PLXNA4: variants seen among roughly 807,000 people sequenced by gnomAD.
PLXNA4 encodes the protein plexin A4.
In PLXNA4, 44 loss-of-function variants were observed where a neutral mutation model predicts 191.8. That is an observed-to-expected ratio of 0.23 (90% confidence interval 0.18 to 0.29). The LOEUF (loss-of-function observed/expected upper bound fraction) is 0.29. Among genes scored for constraint, PLXNA4 ranks in the 10% least tolerant of loss-of-function variants. PLXNA4 has a pLI of 1.00. For synonymous variants in PLXNA4, 1,082 were observed against 1,009.5 expected (o/e 1.07, Z -1.36); for missense variants, 1,800 against 2,488.8 (o/e 0.72, Z 5.89).
intron 20 of PLXNA4, among the ~76,000 whole-genome samples, chr7:132,175,318 G>T (rs1230396307): frequency 6.6e-6 from 1 of 152,058 alleles, no homozygotes; most frequent in Non-Finnish European, 1.5e-5. Context: ...GGTGCCATGA[G>T]GAAGAGTCCA....
chr7:132,385,825 A>C (rs1805111796), intron 3 of PLXNA4, among the ~76,000 whole-genome samples: 2 of 152,236 alleles, frequency 1.3e-5, no homozygotes, highest in Non-Finnish European at 2.9e-5. Context: ...TGCACAAATT[A>C]AAAGATAAAG....
chr7:132,305,966 G>T (rs1259588273), intron 3 of PLXNA4, among the ~76,000 whole-genome samples: 2 of 152,152 alleles, frequency 1.3e-5, no homozygotes, highest in Non-Finnish European at 2.9e-5. Flanking sequence ...AACAGGCAGG[G>T]AAATAGAGCT....
At chr7:132,597,825 A>C (rs898795825) in intron 2 of PLXNA4, among the ~76,000 whole-genome samples, 2 of 148,706 alleles carry the variant, frequency 1.3e-5, no homozygotes, top group Non-Finnish European at 3.0e-5. Flanking sequence ...AGTTCTAAGA[A>C]TCCATCCATG....
intron 2 of PLXNA4, among the ~76,000 whole-genome samples, chr7:132,597,667 T>G (rs752680786): frequency 1.3e-5 from 2 of 152,196 alleles, no homozygotes; most frequent in Non-Finnish European, 2.9e-5. Context: ...GACCACTGAC[T>G]ACAAATCTGT....
intron 3 of PLXNA4, among the ~76,000 whole-genome samples, chr7:132,342,459 G>T (rs1035701266): frequency 6.6e-6 from 1 of 151,862 alleles, no homozygotes; most frequent in South Asian, 2.1e-4. Flanking sequence ...AAAATATCAC[G>T]CTGTAGACAA....
rs1563048301 is a variant in PLXNA4 at position 132,132,463 on chromosome 7, T to TTCTGTTCTGCTCTGCTCTGC, written c.5589+585_5589+586insGCAGAGCAGAGCAGAACAGA. Among the ~76,000 whole-genome samples the TTCTGTTCTGCTCTGCTCTGC allele has an allele frequency of 2.0e-4, 13 of 65,590 alleles. 1 individual carries two copies. The highest frequency in any genetic ancestry group is 1.6e-3 in the Admixed American group (9 of 5,664). 43.0% of individuals were successfully genotyped at this position (65,590 alleles called of 152,430 possible). On this transcript the variant is annotated intron_variant, in intron 31 of 31. Coordinates refer to ENST00000321063, the MANE Select transcript of PLXNA4 (RefSeq NM_020911.2). Reference sequence around the variant, plus strand: ...TTCTGTTCTGTTCTGTTCTGTTCTGTTCTGCTCTGCTCTGCTCTGCTCTGC... The same window carrying TTCTGTTCTGCTCTGCTCTGC: ...TTCTGTTCTGTTCTGTTCTGTTCTGTTCTGTTCTGCTCTGCTCTGCTCTGCTCTGCTCTGCTCTGCTCTGC...
At chr7:132,395,583 G>A (rs1404401540) in intron 3 of PLXNA4, among the ~76,000 whole-genome samples, 4 of 152,266 alleles carry the variant, frequency 2.6e-5, no homozygotes, top group African/African-American at 9.6e-5. Context: ...CTGACATGCT[G>A]CTGGGCAGAA....
At chr7:132,228,273 C>A (rs2116981222) in intron 6 of PLXNA4, 73 bp downstream of exon 6, 10 of 1,597,008 alleles carry the variant, frequency 6.3e-6, no homozygotes, top group East Asian at 4.5e-5. Flanking sequence ...GGGCCTTGGG[C>A]TAAGGCACTT....
At chr7:132,143,694 G>T (rs377485064) in intron 29 of PLXNA4, among the ~76,000 whole-genome samples, 1 of 152,180 alleles carries the variant, frequency 6.6e-6, no homozygotes, top group South Asian at 2.1e-4. Context: ...AGAGTTAAAC[G>T]CATCTTACCT....
rs192313903 is a variant in PLXNA4 at position 132,642,186 on chromosome 7, C to T, written c.-87+3742G>A. On this transcript the variant is annotated intron_variant, in intron 2 of 4. Coordinates refer to the PLXNA4 transcript ENST00000378539. ...TTTCTTTAATTTTCTAGGTAATAAA[C>T]CCTTCTGTATACAGAATGGTTCTAT... Among the ~76,000 whole-genome samples, 478 of 152,064 alleles carry T rather than the reference C, an allele frequency of 3.1e-3. 2 individuals carry two copies. Among genetic ancestry groups the T allele is most frequent in the Non-Finnish European group, 4.0e-3 (274 of 67,992 alleles).
In PLXNA4 at chr7:132,210,299, T is replaced by C. The variant is rs190949388; in HGVS notation, c.2298+644A>G. Among the ~76,000 whole-genome samples the C allele has an allele frequency of 4.3e-3, 661 of 152,274 alleles. 5 individuals carry two copies. The highest frequency in any genetic ancestry group is 0.012 in the African/African-American group (500 of 41,550). ...AAGGTGATACACAGGTGGGGTTCAC[T>C]GTGGGGTACCTAGGAATTAGGTAGA... is the stretch of plus-strand genomic sequence containing the variant. On this transcript the variant is annotated intron_variant, in intron 10 of 31. Transcript: ENST00000321063.
At chr7:132,395,009 G>T (rs981609854) in intron 3 of PLXNA4, among the ~76,000 whole-genome samples, 7 of 152,264 alleles carry the variant, frequency 4.6e-5, no homozygotes, top group Non-Finnish European at 8.8e-5. Context: ...TCCGGGGCAG[G>T]TGTGGCTGCA....
At chr7:132,191,815 A>T (rs1166343688) in intron 14 of PLXNA4, among the ~76,000 whole-genome samples, 3 of 100,256 alleles carry the variant, frequency 3.0e-5, no homozygotes, top group African/African-American at 5.2e-5. Context: ...TCTATATCAT[A>T]TACTATATAT....
At chr7:132,222,941 G>A (rs2116954228) in intron 9 of PLXNA4, among the ~76,000 whole-genome samples, 1 of 152,298 alleles carries the variant, frequency 6.6e-6, no homozygotes, top group African/African-American at 2.4e-5. Flanking sequence ...GCTGCACCCT[G>A]CCCCCGGAGC....
chr7:132,453,962 T>C (rs964957972), intron 3 of PLXNA4, among the ~76,000 whole-genome samples: 1 of 152,086 alleles, frequency 6.6e-6, no homozygotes, highest in Non-Finnish European at 1.5e-5. Context: ...GACATCAGAG[T>C]GTGGTCTATT....
intron 28 of PLXNA4, among the ~76,000 whole-genome samples, chr7:132,145,917 A>AG (rs1795414837): frequency 1.4e-5 from 2 of 142,724 alleles, no homozygotes; most frequent in Admixed American, 7.0e-5. Context: ...TAAAAATACA[A>AG]AAAAAAAAAA....
chr7:132,260,244 A>G (rs1799590024), intron 4 of PLXNA4, among the ~76,000 whole-genome samples: 2 of 152,218 alleles, frequency 1.3e-5, no homozygotes, highest in Admixed American at 1.3e-4. Flanking sequence ...TAGCAAAGAC[A>G]TGGAGTCAAC....
intron 1 of PLXNA4, among the ~76,000 whole-genome samples, chr7:132,560,567 A>G (rs931099263): frequency 6.6e-6 from 1 of 152,128 alleles, no homozygotes; most frequent in Non-Finnish European, 1.5e-5. Context: ...GTAAGCATGA[A>G]GTTGAAGCTG....
chr7:132,198,125 G>C (rs1797309041), intron 13 of PLXNA4, among the ~76,000 whole-genome samples: 1 of 152,028 alleles, frequency 6.6e-6, no homozygotes, highest in Admixed American at 6.5e-5. Context: ...GATCAGTGCT[G>C]GGGGGGATGT....
Sources: allele counts gnomAD v4.1 joint callset (sites outside exome capture counted in the v4.1 genomes callset), GRCh38; gene constraint gnomAD v4.1.1; transcripts MANE v1.5; gene names NCBI Gene and HGNC (gene_info 2026-07-23, HGNC 2026-07-21).